Variants in BRWD1 observed in about 807,000 individuals in gnomAD.
BRWD1 encodes the protein bromodomain and WD repeat domain containing 1.
BRWD1 carries 82 observed loss-of-function variants against 251.2 expected under a neutral mutation model. The observed-to-expected ratio is 0.33, with a 90% CI of 0.27 to 0.39. The LOEUF (loss-of-function observed/expected upper bound fraction) is 0.39, where lower values mean the gene tolerates loss of function less well. BRWD1 is among the 10% of genes least tolerant of loss of function. BRWD1 has a pLI of 1.00. For synonymous variants in BRWD1, 918 were observed against 902.8 expected, an observed-to-expected ratio of 1.02 and a Z score of -0.30; for missense variants, 2,233 against 2,711.6, an observed-to-expected ratio of 0.82 and a Z score of 3.92.
intron 38 of BRWD1, among the ~76,000 whole-genome samples, chr21:39,200,894 G>A (rs769283377): frequency 1.3e-5 from 2 of 152,018 alleles, no homozygotes; most frequent in Non-Finnish European, 2.9e-5. Flanking sequence ...TGAGGCAGAA[G>A]AATCACTTGA....
At chr21:39,197,495 G>T in intron 40 of BRWD1, 80 bp from the exon 41 acceptor site, 1 of 1,193,130 alleles carries the variant, frequency 8.4e-7, no homozygotes, top group Non-Finnish European at 1.2e-6. Context: ...AACAAGTTCA[G>T]AATTCGTATT....
intron 8 of BRWD1, among the ~76,000 whole-genome samples, chr21:39,282,609 A>C (rs1168386615): frequency 6.6e-6 from 1 of 152,186 alleles, no homozygotes; most frequent in Admixed American, 6.6e-5. Context: ...TGGACAAAAA[A>C]ATTTTTTTTT....
intron 4 of BRWD1, among the ~76,000 whole-genome samples, chr21:39,305,883 C>T (rs1472318894): frequency 1.1e-5 from 1 of 92,862 alleles, no homozygotes; most frequent in East Asian, 2.7e-4. Context: ...AAAAAAAAAA[C>T]CTTATCGGGG....
At chr21:39,245,672 T>C (rs1601372664) in intron 21 of BRWD1, among the ~76,000 whole-genome samples, 1 of 151,408 alleles carries the variant, frequency 6.6e-6, no homozygotes, top group Middle Eastern at 3.4e-3. Context: ...CAGTCTCGGC[T>C]CACTGCAACA....
chr21:39,209,920 A>G (rs1029016933), intron 36 of BRWD1, 75 bp downstream of exon 36: 86 of 1,443,860 alleles, frequency 6.0e-5, no homozygotes, highest in Non-Finnish European at 7.0e-5. Context: ...TTACACTGGA[A>G]AAAATTACTA....
Position 39,197,330 on chromosome 21 carries a change from C to T in BRWD1, c.5739G>A (p.Val1913=), listed in dbSNP as rs1367369554. ...TTCTGGCTTTTGATGATTTCTTAAC[C>T]ACCTGTAAACTACTGTCTGAGTCAC... ...CSSDSDSSLQ[V]VKKSSKARTG... The change falls in exon 41 of 41, where the codon GTG becomes GTA. Residue 1913 remains valine (V), a synonymous_variant. Coordinates refer to ENST00000342449, the MANE Select transcript of BRWD1 (RefSeq NM_033656.4). The T allele has an allele frequency of 1.3e-5, 21 of 1,613,874 alleles. No homozygotes were observed. The highest frequency in any genetic ancestry group is 2.7e-5 in the African/African-American group (2 of 74,902).
intron 6 of BRWD1, 131 bp downstream of exon 6, chr21:39,296,134 T>A: frequency 1.4e-6 from 1 of 704,962 alleles, no homozygotes; most frequent in Non-Finnish European, 2.1e-6. Context: ...AATTTGACAT[T>A]TGATACTTAT....
rs752418690 is a variant in BRWD1, at chr21:39,187,431, G to A, written c.*8828C>T. On this transcript the variant is annotated 3_prime_UTR_variant, in exon 41 of 41. Transcript: ENST00000342449. Reference sequence around the variant, plus strand: ...TAGGAACAAATTCTGAAAAATGAGTGAAAGTTCATGTAAATGCAAAAATCT... The same window carrying A: ...TAGGAACAAATTCTGAAAAATGAGTAAAAGTTCATGTAAATGCAAAAATCT... 55 of 1,534,366 alleles carry A rather than the reference G, an allele frequency of 3.6e-5. No individual in the cohort carries two copies. The highest frequency in any genetic ancestry group is 4.6e-5 in the Non-Finnish European group (53 of 1,144,114).
intron 37 of BRWD1, 61 bp downstream of exon 37, chr21:39,206,047 C>G: frequency 6.6e-7 from 1 of 1,504,430 alleles, no homozygotes; most frequent in Non-Finnish European, 9.0e-7. Flanking sequence ...CTGGGTGACA[C>G]AGTGAGACTC....
chr21:39,216,437 T>C (rs989526565), intron 31 of BRWD1, among the ~76,000 whole-genome samples: 2 of 152,232 alleles, frequency 1.3e-5, no homozygotes, highest in African/African-American at 2.4e-5. Flanking sequence ...GTTGAGGCCC[T>C]GACTCGGACC....
chr21:39,216,842 C>T (rs1445273812), intron 31 of BRWD1: 1 of 212,608 alleles, frequency 4.7e-6, no homozygotes, highest in African/African-American at 2.4e-5. Context: ...CACAGGGAAA[C>T]TTGTGCCACA....
At chr21:39,263,147 G>A (rs542255866) in intron 17 of BRWD1, among the ~76,000 whole-genome samples, 2 of 152,048 alleles carry the variant, frequency 1.3e-5, no homozygotes, top group Admixed American at 1.3e-4. Context: ...ACTTAAAATT[G>A]GTGAATTTTG....
At position 39,237,705 on chromosome 21, in the gene BRWD1, G is replaced by A. The variant is rs77480537; in HGVS notation, c.2576+774C>T. On this transcript the variant is annotated intron_variant, in intron 22 of 40. Coordinates refer to ENST00000342449, the MANE Select transcript of BRWD1 (RefSeq NM_033656.4). ...ATTCTTTAATTGGTATAGAATTTCC[G>A]TTTTGCAAGATAAACAAGGTTCTGG... 1.1e-3 allele frequency among the ~76,000 whole-genome samples: 161 copies of A among 152,210 alleles called. 2 individuals are homozygous for A. The highest frequency in any genetic ancestry group is 3.5e-3 in the African/African-American group (147 of 41,540).
At chr21:39,245,148 G>A (rs9647182) in intron 21 of BRWD1, among the ~76,000 whole-genome samples, 3 of 152,046 alleles carry the variant, frequency 2.0e-5, no homozygotes, top group Middle Eastern at 6.8e-3. Flanking sequence ...GGAGGCTGAA[G>A]GAGGAGGACA....
chr21:39,215,742 C>T (rs2032862702), intron 31 of BRWD1, among the ~76,000 whole-genome samples: 1 of 152,056 alleles, frequency 6.6e-6, no homozygotes, highest in Non-Finnish European at 1.5e-5. Flanking sequence ...ACCTGTAATC[C>T]CAGCACTTTG....
rs753163601 is a variant in BRWD1 at position 39,236,797 on chromosome 21, A to G, written c.2577-13T>C. The G allele has an allele frequency of 6.2e-7, 1 of 1,608,332 alleles. No individual in the cohort carries two copies. Among genetic ancestry groups the G allele is most frequent in the East Asian group, 2.2e-5 (1 of 44,812 alleles). On this transcript the variant is annotated splice_polypyrimidine_tract_variant and intron_variant, in intron 22 of 40. Coordinates refer to ENST00000342449, the MANE Select transcript of BRWD1 (RefSeq NM_033656.4). ...AGATGAAGAGTCACTAGAAAAGGGG[A>G]GTGCTTTCAGTTGAATGGAGCCAGA...
rs1247903804 is a variant in BRWD1 at position 39,228,501 on chromosome 21, A to G, written c.3207T>C (p.Ser1069=). The G allele has an allele frequency of 6.2e-7, 1 of 1,608,576 alleles. No individual in the cohort carries two copies. The highest frequency in any genetic ancestry group is 1.7e-5 in the Admixed American group (1 of 59,960). Residue 1069 remains serine, a splice_region_variant and synonymous_variant, in exon 27 of 41, where the codon TCT becomes TCC. Coordinates refer to ENST00000342449, the MANE Select transcript of BRWD1 (RefSeq NM_033656.4). ...YDEARQRNWQ[S]CDRFRSIIDD... is the part of the protein sequence containing the mutation. ...AAAACTTAGTAAGGATAGACTTACA[A>G]GACTGCCAATTCCTCTGTCTTGCTT... is the stretch of plus-strand genomic sequence containing the variant.
chr21:39,266,155 T>G (rs1423870670), intron 15 of BRWD1, among the ~76,000 whole-genome samples: 1 of 152,086 alleles, frequency 6.6e-6, no homozygotes, highest in Non-Finnish European at 1.5e-5. Context: ...GCTTGAATAG[T>G]GATACTTCAC....
rs1281599416 is a variant in BRWD1, at chr21:39,262,261, C to CT, written c.1885+2198dup. Among the ~76,000 whole-genome samples, 3 of 152,182 alleles carry CT rather than the reference C, an allele frequency of 2.0e-5. No homozygotes were observed. In the East Asian group the frequency reaches 5.8e-4, roughly 29 times the overall value. On this transcript the variant is annotated intron_variant, in intron 17 of 40. Transcript: ENST00000342449. ...TGATAGCCCCAAACTGGAAACAAGC[C>CT]TTTAACCATTAGTGAATGCAAAAAC...
Sources: allele counts gnomAD v4.1 joint callset (sites outside exome capture counted in the v4.1 genomes callset), GRCh38; gene constraint gnomAD v4.1.1; transcripts MANE v1.5; gene names NCBI Gene and HGNC (gene_info 2026-07-23, HGNC 2026-07-21).